Variants in SPIN1 observed in about 807,000 individuals in gnomAD.
SPIN1 encodes spindlin 1.
A neutral mutation model predicts 26.0 loss-of-function variants in SPIN1; 3 were observed. The observed-to-expected ratio is 0.12, with a 90% CI of 0.05 to 0.30. The LOEUF (loss-of-function observed/expected upper bound fraction) is 0.30. SPIN1 is among the 10% of genes least tolerant of loss of function. SPIN1 has a pLI of 1.00. For missense variants in SPIN1, 126 were observed against 333.4 expected (o/e 0.38, Z 4.84); for synonymous variants, 101 against 116.5 (o/e 0.87, Z 0.86).
At chr9:88,399,334 T>G (rs1184346549) in intron 1 of SPIN1, among the ~76,000 whole-genome samples, 1 of 152,150 alleles carries the variant, frequency 6.6e-6, no homozygotes, top group African/African-American at 2.4e-5. Flanking sequence ...GCCCAGCCGT[T>G]AAGCGGTTTC....
rs1828886574 is a variant in SPIN1 at position 88,476,191 on chromosome 9, T to G, written c.*914T>G. The G allele has an allele frequency of 1.3e-5, 2 of 152,176 alleles. No individual in the cohort carries two copies. The allele number at this position is 152,176 out of a possible 1,614,324, so 9.4% of individuals were successfully genotyped here. ...TGGACAGCACATATGGTCCATTGTG[T>G]ACAAGTCAGTAATCTGGATTTCAGT... On this transcript the variant is annotated 3_prime_UTR_variant, in exon 6 of 6. Coordinates refer to ENST00000375859, the MANE Select transcript of SPIN1 (RefSeq NM_006717.3).
intron 1 of SPIN1, among the ~76,000 whole-genome samples, chr9:88,393,281 T>C (rs1257611436): frequency 6.6e-6 from 1 of 151,826 alleles, no homozygotes; most frequent in Non-Finnish European, 1.5e-5. Flanking sequence ...GTTAACAAAA[T>C]AGGCAATTTT....
In SPIN1 at chr9:88,396,262, A is replaced by G. The variant is rs569050909; in HGVS notation, c.-159+7724A>G. On this transcript the variant is annotated intron_variant, in intron 1 of 5. Coordinates refer to ENST00000375859, the MANE Select transcript of SPIN1 (RefSeq NM_006717.3). ...TCAAAAAAAAAAAAATTACATTTTT[A>G]AAAGGCAGATCTGACCATGTCAGCT... Among the ~76,000 whole-genome samples, 14 of 151,794 alleles carry G rather than the reference A, an allele frequency of 9.2e-5. 1 individual carries two copies. The highest frequency in any genetic ancestry group is 3.4e-4 in the African/African-American group (14 of 41,412).
At chr9:88,419,475 G>A (rs533642994) in intron 1 of SPIN1, among the ~76,000 whole-genome samples, 92 of 152,158 alleles carry the variant, frequency 6.0e-4, no homozygotes, top group Admixed American at 1.6e-3. Flanking sequence ...CTGTGAGGGC[G>A]CACCCTTCTA....
intron 2 of SPIN1, among the ~76,000 whole-genome samples, chr9:88,434,472 A>G (rs977686112): frequency 1.3e-4 from 20 of 152,014 alleles, no homozygotes; most frequent in African/African-American, 4.8e-4. Context: ...TAATAAAGCT[A>G]TATATTAAAG....
At chr9:88,429,614 G>T (rs1332916864) in intron 2 of SPIN1, among the ~76,000 whole-genome samples, 1 of 152,198 alleles carries the variant, frequency 6.6e-6, no homozygotes. Flanking sequence ...GGGCATTGGT[G>T]CATCTACCCC....
At chr9:88,399,682 G>C (rs1364495628) in intron 1 of SPIN1, among the ~76,000 whole-genome samples, 1 of 152,176 alleles carries the variant, frequency 6.6e-6, no homozygotes, top group Non-Finnish European at 1.5e-5. Context: ...AAGCTGCAGG[G>C]TGGTTGCTTT....
At chr9:88,405,029 T>C (rs1402739908) in intron 1 of SPIN1, among the ~76,000 whole-genome samples, 16 of 151,914 alleles carry the variant, frequency 1.1e-4, no homozygotes, top group South Asian at 2.1e-4. Flanking sequence ...ATAACACATA[T>C]GGAGTTGTCA....
rs573984677 is a variant in SPIN1 at position 88,435,741 on chromosome 9, C to T, written c.52+9150C>T. Among the ~76,000 whole-genome samples, 5 of 152,230 alleles carry T rather than the reference C, an allele frequency of 3.3e-5. No individual in the cohort carries two copies. In the South Asian group the frequency reaches 8.3e-4, roughly 25 times the overall value. The stretch of plus-strand genomic sequence containing the variant: ...AGGGGTCATTTACCTTCTTACACTT[C>T]TGTTGTGTGGAGTCAGTTTCTTGGA... On this transcript the variant is annotated intron_variant, in intron 2 of 5. Coordinates refer to ENST00000375859, the MANE Select transcript of SPIN1 (RefSeq NM_006717.3).
Position 88,476,866 on chromosome 9 carries a change from A to T in SPIN1, c.*1589A>T, listed in dbSNP as rs1000721530. On this transcript the variant is annotated 3_prime_UTR_variant, in exon 6 of 6. Coordinates refer to ENST00000375859, the MANE Select transcript of SPIN1 (RefSeq NM_006717.3). ...AAACGTGCATGCTTGTCACTCAAAC[A>T]CCAGAAGTTTGAATCAGAGGTCTGA... is the stretch of plus-strand genomic sequence containing the variant. The T allele has an allele frequency of 2.0e-5, 3 of 152,124 alleles. No individual in the cohort carries two copies. The highest frequency in any genetic ancestry group is 7.2e-5 in the African/African-American group (3 of 41,400). The allele number at this position is 152,124 out of a possible 1,614,324, so 9.4% of individuals were successfully genotyped here.
intron 1 of SPIN1, among the ~76,000 whole-genome samples, chr9:88,389,115 G>T (rs955046780): frequency 6.6e-6 from 1 of 152,126 alleles, no homozygotes; most frequent in Admixed American, 6.5e-5. Context: ...CGCGGACCTT[G>T]TAAGTTGCAG....
At chr9:88,411,193 G>A in intron 1 of SPIN1, 1 of 1,293,718 alleles carries the variant, frequency 7.7e-7, no homozygotes. Flanking sequence ...CTTCTGTTGA[G>A]ACAGCTCTCT....
chr9:88,446,707 C>T lies in SPIN1; in HGVS notation c.53-2234C>T, dbSNP rs1390328884. Reference sequence around the variant, plus strand: ...ACAGGCGTGAGCCACTGCGCCAGCCCGGCTTGCTTATTTTTTAGCACCTTA... The same window carrying T: ...ACAGGCGTGAGCCACTGCGCCAGCCTGGCTTGCTTATTTTTTAGCACCTTA... On this transcript the variant is annotated intron_variant, in intron 2 of 5. Coordinates refer to ENST00000375859, the MANE Select transcript of SPIN1 (RefSeq NM_006717.3). Among the ~76,000 whole-genome samples the T allele has an allele frequency of 5.9e-5, 9 of 152,220 alleles. No individual in the cohort carries two copies. The South Asian group carries it at 6.2e-4, about 11-fold the overall frequency.
chr9:88,401,824 T>C (rs1209729371), intron 1 of SPIN1, among the ~76,000 whole-genome samples: 1 of 152,242 alleles, frequency 6.6e-6, no homozygotes, highest in African/African-American at 2.4e-5. Context: ...GTTATGTGTC[T>C]GTTTTAAGCC....
intron 1 of SPIN1, among the ~76,000 whole-genome samples, chr9:88,406,038 T>TGTAC (rs1554691974): frequency 4.0e-5 from 6 of 148,302 alleles, no homozygotes; most frequent in African/African-American, 1.3e-4. Flanking sequence ...TGTGTGTGTG[T>TGTAC]GTGTACGTGT....
intron 1 of SPIN1, among the ~76,000 whole-genome samples, chr9:88,392,854 A>G (rs187971617): frequency 2.6e-5 from 4 of 152,240 alleles, no homozygotes; most frequent in African/African-American, 9.6e-5. Context: ...TTTCTTTCCT[A>G]TGGCTGATCT....
At chr9:88,400,293 A>G (rs1408387310) in intron 1 of SPIN1, among the ~76,000 whole-genome samples, 3 of 152,268 alleles carry the variant, frequency 2.0e-5, no homozygotes, top group South Asian at 2.1e-4. Flanking sequence ...AGGAGCCTGG[A>G]GGAGTATTTG....
intron 4 of SPIN1, among the ~76,000 whole-genome samples, chr9:88,464,227 A>G (rs1828618940): frequency 6.6e-6 from 1 of 152,234 alleles, no homozygotes; most frequent in South Asian, 2.1e-4. Flanking sequence ...TATTAATTTT[A>G]GTATTCGTGG....
At chr9:88,394,184 C>CTAAG (rs1336220011) in intron 1 of SPIN1, among the ~76,000 whole-genome samples, 10 of 152,266 alleles carry the variant, frequency 6.6e-5, no homozygotes, top group African/African-American at 2.4e-4. Context: ...CACTGTTTTT[C>CTAAG]CTTAGCTTTT....
Sources: allele counts gnomAD v4.1 joint callset (sites outside exome capture counted in the v4.1 genomes callset), GRCh38; gene constraint gnomAD v4.1.1; transcripts MANE v1.5; gene names NCBI Gene and HGNC (gene_info 2026-07-23, HGNC 2026-07-21).